MEGF11: variants seen among roughly 807,000 people sequenced by gnomAD.
MEGF11 encodes the protein multiple EGF like domains 11.
In MEGF11, 126 loss-of-function variants were observed where a neutral mutation model predicts 146.6. The ratio of observed to expected loss-of-function variants is 0.86; its 90% confidence interval spans 0.74 to 1.00. The LOEUF is 1.00. Among genes scored for constraint, MEGF11 ranks in the 50% least tolerant of loss-of-function variants. MEGF11 has a pLI of 0.00. For synonymous variants in MEGF11, 532 were observed against 583.4 expected (o/e 0.91, Z 1.27); for missense variants, 1,509 against 1,521.2 (o/e 0.99, Z 0.13).
At chr15:66,164,555 G>A (rs1359324912) in intron 1 of MEGF11, among the ~76,000 whole-genome samples, 1 of 152,130 alleles carries the variant, frequency 6.6e-6, no homozygotes, top group East Asian at 1.9e-4. Flanking sequence ...CAATAATCCT[G>A]TCCCACTGGA....
At chr15:66,134,033 C>A (rs2140982281) in intron 1 of MEGF11, among the ~76,000 whole-genome samples, 1 of 152,256 alleles carries the variant, frequency 6.6e-6, no homozygotes, top group South Asian at 2.1e-4. Context: ...CCTCGGGCTG[C>A]AAATCCTGAA....
At chr15:66,182,837 A>T (rs2090588741) in intron 1 of MEGF11, among the ~76,000 whole-genome samples, 1 of 152,216 alleles carries the variant, frequency 6.6e-6, no homozygotes, top group African/African-American at 2.4e-5. Flanking sequence ...TTCTTTTACT[A>T]AGACACAGAC....
At chr15:66,121,853 C>T (rs779491280) in intron 3 of MEGF11, among the ~76,000 whole-genome samples, 4 of 152,114 alleles carry the variant, frequency 2.6e-5, no homozygotes, top group Non-Finnish European at 4.4e-5. Flanking sequence ...GTAACCAGGC[C>T]GCTAAAGAAA....
intron 5 of MEGF11, among the ~76,000 whole-genome samples, chr15:66,000,365 C>T (rs2082328952): frequency 2.6e-5 from 4 of 151,994 alleles, no homozygotes; most frequent in African/African-American, 7.2e-5. Context: ...CCTGTCTCTA[C>T]AAAAAAATTT....
chr15:66,163,803 G>T (rs1407759175), intron 1 of MEGF11, among the ~76,000 whole-genome samples: 3 of 152,230 alleles, frequency 2.0e-5, no homozygotes, highest in Non-Finnish European at 4.4e-5. Context: ...CACTGGAGCA[G>T]AGTGAAGATC....
chr15:65,955,785 T>G (rs1369039457), intron 10 of MEGF11, among the ~76,000 whole-genome samples: 2 of 7,044 alleles, frequency 2.8e-4, no homozygotes, highest in Non-Finnish European at 1.2e-3. Flanking sequence ...TATATATATA[T>G]ATATATATAC....
At chr15:65,909,653 C>G (rs2078733463) in intron 22 of MEGF11, 87 bp downstream of exon 22, 1 of 1,327,854 alleles carries the variant, frequency 7.5e-7, no homozygotes, top group South Asian at 1.3e-5. Flanking sequence ...ACTCATAACC[C>G]TGTCCCTTCA....
intron 8 of MEGF11, among the ~76,000 whole-genome samples, chr15:65,967,896 G>T (rs2081163152): frequency 6.6e-6 from 1 of 152,158 alleles, no homozygotes. Flanking sequence ...GCTTCCAGCT[G>T]CTCAGGCCCC....
chr15:66,179,752 T>C (rs899080), intron 1 of MEGF11, among the ~76,000 whole-genome samples: 85,890 of 151,300 alleles, frequency 0.57, 24,971 homozygotes, highest in Admixed American at 0.66. Flanking sequence ...GATACTTATC[T>C]AATCTATGAA....
chr15:65,981,302 A>G (rs951673454), intron 6 of MEGF11, among the ~76,000 whole-genome samples: 2 of 152,220 alleles, frequency 1.3e-5, no homozygotes, highest in Non-Finnish European at 1.5e-5. Flanking sequence ...CATGGATCCC[A>G]TCTTTAAGAA....
chr15:65,906,854 A>C (rs1189502844), intron 23 of MEGF11, among the ~76,000 whole-genome samples: 3 of 152,214 alleles, frequency 2.0e-5, no homozygotes, highest in Non-Finnish European at 4.4e-5. Context: ...TTTCAGCCCC[A>C]AGGATTTCTT....
chr15:65,967,968 G>A (rs1237777068), intron 8 of MEGF11, among the ~76,000 whole-genome samples: 2 of 152,156 alleles, frequency 1.3e-5, no homozygotes, highest in African/African-American at 4.8e-5. Flanking sequence ...TAGAGTTAAG[G>A]AGGCTGCCAT....
At chr15:66,119,701 G>T (rs2087924142) in intron 3 of MEGF11, among the ~76,000 whole-genome samples, 1 of 152,116 alleles carries the variant, frequency 6.6e-6, no homozygotes, top group Non-Finnish European at 1.5e-5. Context: ...GTCCCGGAGA[G>T]TAGATTAATC....
At chr15:65,902,887 T>G (rs897881012) in intron 24 of MEGF11, among the ~76,000 whole-genome samples, 1 of 152,200 alleles carries the variant, frequency 6.6e-6, no homozygotes, top group Admixed American at 6.5e-5. Flanking sequence ...GCAGTGACTT[T>G]CCAGGGCCAC....
At chr15:66,071,680 T>C (rs953081228) in intron 5 of MEGF11, among the ~76,000 whole-genome samples, 1 of 152,036 alleles carries the variant, frequency 6.6e-6, no homozygotes, top group Non-Finnish European at 1.5e-5. Context: ...AGACATGCAG[T>C]GCACAAAAGA....
At chr15:65,917,385 G>C (rs928199249) in intron 16 of MEGF11, among the ~76,000 whole-genome samples, 1 of 152,162 alleles carries the variant, frequency 6.6e-6, no homozygotes, top group Non-Finnish European at 1.5e-5. Flanking sequence ...CTCCTCATCA[G>C]AATGGAAATT....
chr15:65,930,807 A>C lies in MEGF11; in HGVS notation c.1408+16T>G. The C allele has an allele frequency of 6.3e-7, 1 of 1,595,642 alleles. No homozygotes were observed. The highest frequency in any genetic ancestry group is 1.3e-5 in the African/African-American group (1 of 74,512). ...CTCATATGTCAGGGATGGGCTTGGG[A>C]GAGAGGGCACATTACCTTCCTTGCA... On this transcript the variant is annotated intron_variant, in intron 11 of 25. Coordinates refer to ENST00000395614, the MANE Select transcript of MEGF11 (RefSeq NM_001385028.1).
At chr15:66,097,060 T>A (rs1215420967) in intron 4 of MEGF11, among the ~76,000 whole-genome samples, 1 of 152,224 alleles carries the variant, frequency 6.6e-6, no homozygotes, top group Non-Finnish European at 1.5e-5. Flanking sequence ...CCACAGTCCC[T>A]TAGCTTGACC....
At chr15:66,120,629 A>C (rs2087976940) in intron 3 of MEGF11, among the ~76,000 whole-genome samples, 1 of 152,184 alleles carries the variant, frequency 6.6e-6, no homozygotes, top group Admixed American at 6.5e-5. Flanking sequence ...GAAATCTGTG[A>C]TATTTGGGAA....
Sources: gnomAD v4.1 joint callset for allele counts (sites outside exome capture counted in the v4.1 genomes callset) on GRCh38, gnomAD v4.1.1 for gene constraint, MANE v1.5 for transcripts, NCBI Gene and HGNC (gene_info 2026-07-23, HGNC 2026-07-21) for gene names.